FAM107B: variants seen among roughly 807,000 people sequenced by gnomAD.
FAM107B encodes the protein family with sequence similarity 107 member B, also known as protein FAM107B.
A neutral mutation model predicts 31.5 loss-of-function variants in FAM107B; 21 were observed. That is an observed-to-expected ratio of 0.67 (90% CI 0.47 to 0.96). The LOEUF (loss-of-function observed/expected upper bound fraction) is 0.96, where lower values mean the gene tolerates loss of function less well. Ranked by LOEUF, FAM107B falls within the 40% of genes least tolerant of loss-of-function variation. The pLI is 0.00. For missense variants in FAM107B, 452 were observed against 377.1 expected (o/e 1.20, Z -1.64); for synonymous variants, 157 against 141.5 (o/e 1.11, Z -0.78).
rs200641129 is a variant in FAM107B at position 14,774,418 on chromosome 10, A to T, written c.246T>A (p.His82Gln). Reference sequence around the variant, plus strand: ...GATTCGCACTGCCATTTCTCTCTGCATGGGTGCTCGAATCTTGCCTTTTCT... The same window carrying T: ...GATTCGCACTGCCATTTCTCTCTGCTTGGGTGCTCGAATCTTGCCTTTTCT... Reference protein sequence around the residue: ...APEKRQDSSTHAERNGSANRN... With the variant: ...APEKRQDSSTQAERNGSANRN... The change falls in exon 1 of 5, where the codon CAT becomes CAA. Residue 82 changes from histidine to glutamine, a missense_variant. His to Gln is a conservative substitution (Grantham distance 24). Coordinates refer to ENST00000181796, the MANE Select transcript of FAM107B (RefSeq NM_031453.4). 5.6e-6 allele frequency: 9 copies of T among 1,614,166 alleles called. No homozygotes were observed. Among genetic ancestry groups the T allele is most frequent in the Admixed American group, 1.7e-5 (1 of 60,026 alleles).
At chr10:14,534,300 G>C (rs545385568) in intron 2 of FAM107B, among the ~76,000 whole-genome samples, 1 of 152,232 alleles carries the variant, frequency 6.6e-6, no homozygotes, top group African/African-American at 2.4e-5. Flanking sequence ...TTGAGTCTTT[G>C]TACTCAGGGC....
At position 14,520,804 on chromosome 10, in the gene FAM107B, A is replaced by G. The variant is rs1845555687; in HGVS notation, c.*386T>C. ...AAGAGGAATTAAACACTTGTTTTTT[A>G]GCTTTTAAAAGAAAAAAGGCTCTGG... is the stretch of plus-strand genomic sequence containing the variant. On this transcript the variant is annotated 3_prime_UTR_variant, in exon 5 of 5. Transcript: ENST00000181796. 5.9e-6 allele frequency: 1 copy of G among 168,912 alleles called. No individual in the cohort carries two copies. The highest frequency in any genetic ancestry group is 6.4e-5 in the Admixed American group (1 of 15,736). 10.5% of individuals were successfully genotyped at this position (168,912 alleles called of 1,614,324 possible). A position where few individuals can be genotyped will look rare whatever the true frequency, so the allele number is the denominator to read the frequency against.
intron 2 of FAM107B, among the ~76,000 whole-genome samples, chr10:14,631,323 A>G (rs1470202213): frequency 6.6e-6 from 1 of 152,200 alleles, no homozygotes; most frequent in Non-Finnish European, 1.5e-5. Context: ...GCCAACATCC[A>G]TATAAAGTAC....
intron 1 of FAM107B, among the ~76,000 whole-genome samples, chr10:14,773,079 G>C (rs951989637): frequency 2.1e-4 from 32 of 152,060 alleles, no homozygotes; most frequent in Admixed American, 2.0e-3. Context: ...TTTGGTTTTT[G>C]CTGGTTGGTT....
chr10:14,651,184 T>TA (rs1394318020), intron 2 of FAM107B, among the ~76,000 whole-genome samples: 1 of 152,202 alleles, frequency 6.6e-6, no homozygotes, highest in African/African-American at 2.4e-5. Context: ...GCCCTATCTA[T>TA]AAGGAGCCTG....
intron 2 of FAM107B, among the ~76,000 whole-genome samples, chr10:14,660,780 T>G (rs1854214147): frequency 6.6e-6 from 1 of 152,146 alleles, no homozygotes; most frequent in African/African-American, 2.4e-5. Flanking sequence ...ACTTTCTTTC[T>G]AAAGTAAAAA....
intron 2 of FAM107B, among the ~76,000 whole-genome samples, chr10:14,616,584 C>T (rs17155587): frequency 6.6e-6 from 1 of 152,078 alleles, no homozygotes; most frequent in African/African-American, 2.4e-5. Context: ...TTGGAGAACA[C>T]AAAACTTTAC....
At position 14,668,650 on chromosome 10, in the gene FAM107B, G is replaced by A. The variant is rs1175286203; in HGVS notation, c.412-959C>T. 4.6e-5 allele frequency among the ~76,000 whole-genome samples: 7 copies of A among 152,078 alleles called. No homozygotes were observed. In the East Asian group the frequency reaches 5.8e-4, roughly 13 times the overall value. ...AATTTTGCCTGCAAGATGACTTTACGCCAATTAATTTATTTGTTTTTCCCT... is the reference window on the plus strand; with the variant it reads ...AATTTTGCCTGCAAGATGACTTTACACCAATTAATTTATTTGTTTTTCCCT... On this transcript the variant is annotated intron_variant, in intron 1 of 4. Coordinates refer to ENST00000181796, the MANE Select transcript of FAM107B (RefSeq NM_031453.4).
At chr10:14,616,030 C>T (rs1852840781) in intron 2 of FAM107B, among the ~76,000 whole-genome samples, 1 of 152,112 alleles carries the variant, frequency 6.6e-6, no homozygotes, top group Non-Finnish European at 1.5e-5. Context: ...ATAGTTTATT[C>T]CTTCAAACAT....
At chr10:14,725,839 T>TC (rs1387869154) in intron 1 of FAM107B, among the ~76,000 whole-genome samples, 7 of 148,588 alleles carry the variant, frequency 4.7e-5, no homozygotes, top group Non-Finnish European at 1.5e-5. Flanking sequence ...TTTTTTTTTT[T>TC]TTTGGAAATG....
At chr10:14,759,731 G>A (rs1588761129) in intron 1 of FAM107B, among the ~76,000 whole-genome samples, 1 of 150,660 alleles carries the variant, frequency 6.6e-6, no homozygotes, top group East Asian at 2.0e-4. Context: ...TTTTTTTTTA[G>A]ATGGAGTCTC....
At chr10:14,530,145 G>C in intron 3 of FAM107B, 187 bp downstream of exon 3, 7 of 615,062 alleles carry the variant, frequency 1.1e-5, no homozygotes, top group Non-Finnish European at 5.6e-6. Flanking sequence ...CACAGTGATG[G>C]CCACCTGCAG....
intron 2 of FAM107B, among the ~76,000 whole-genome samples, chr10:14,657,271 A>G (rs1036293042): frequency 6.6e-6 from 1 of 152,246 alleles, no homozygotes; most frequent in African/African-American, 2.4e-5. Flanking sequence ...GATGAATGAC[A>G]GGGTTTCCAA....
chr10:14,587,635 T>C (rs1019619777), intron 2 of FAM107B, among the ~76,000 whole-genome samples: 3 of 152,254 alleles, frequency 2.0e-5, no homozygotes, highest in East Asian at 3.8e-4. Flanking sequence ...TTTTCTGCTA[T>C]AAAATCGTCA....
intron 1 of FAM107B, among the ~76,000 whole-genome samples, chr10:14,716,868 T>A (rs1261825819): frequency 6.6e-6 from 1 of 152,126 alleles, no homozygotes; most frequent in Non-Finnish European, 1.5e-5. Flanking sequence ...GACAGGTTGA[T>A]CACCTGAGGT....
chr10:14,681,605 G>A (rs746868423), intron 1 of FAM107B, among the ~76,000 whole-genome samples: 2 of 152,168 alleles, frequency 1.3e-5, no homozygotes, highest in African/African-American at 2.4e-5. Context: ...CCAGAGGAAT[G>A]AGGGGGACTG....
chr10:14,642,129 A>G (rs1202120597), intron 2 of FAM107B, among the ~76,000 whole-genome samples: 1 of 152,260 alleles, frequency 6.6e-6, no homozygotes, highest in African/African-American at 2.4e-5. Flanking sequence ...AAGGAGTGAC[A>G]GACCCCAAGC....
chr10:14,659,964 T>C (rs1239112114), intron 2 of FAM107B, among the ~76,000 whole-genome samples: 1 of 152,214 alleles, frequency 6.6e-6, no homozygotes, highest in Non-Finnish European at 1.5e-5. Context: ...TTGGGGTTCG[T>C]TACTTCACAC....
At chr10:14,533,695 G>C (rs1350175292) in intron 2 of FAM107B, among the ~76,000 whole-genome samples, 1 of 152,242 alleles carries the variant, frequency 6.6e-6, no homozygotes. Context: ...TCAGTGTTGA[G>C]GTGCAAACAT....
Sources: allele counts gnomAD v4.1 joint callset (sites outside exome capture counted in the v4.1 genomes callset), GRCh38; gene constraint gnomAD v4.1.1; transcripts MANE v1.5; gene names NCBI Gene and HGNC (gene_info 2026-07-23, HGNC 2026-07-21).